ASXL2: variants seen among roughly 807,000 people sequenced by gnomAD.
ASXL2 encodes the protein ASXL transcriptional regulator 2, also known as putative Polycomb group protein ASXL2.
ASXL2 carries 23 observed loss-of-function variants against 122.0 expected under a neutral mutation model. The ratio of observed to expected loss-of-function variants is 0.19; its 90% confidence interval spans 0.14 to 0.27. ASXL2 has a LOEUF of 0.27. ASXL2 is among the 10% of genes least tolerant of loss of function. The pLI, the probability that ASXL2 is intolerant of heterozygous loss-of-function variation, is 1.00. For missense variants in ASXL2, 1,518 were observed against 1,713.8 expected (o/e 0.89, Z 2.02); for synonymous variants, 650 against 637.0 (o/e 1.02, Z -0.31).
chr2:25,808,021 A>T (rs867097020), intron 3 of ASXL2, among the ~76,000 whole-genome samples: 2 of 148,516 alleles, frequency 1.3e-5, no homozygotes, highest in East Asian at 2.2e-4. Context: ...ACACACACAC[A>T]CTCTCCACCC....
intron 3 of ASXL2, among the ~76,000 whole-genome samples, chr2:25,826,109 C>T (rs1387204664): frequency 6.6e-6 from 1 of 152,188 alleles, no homozygotes; most frequent in Non-Finnish European, 1.5e-5. Flanking sequence ...AAGCTAAATA[C>T]TCTTCCTATA....
chr2:25,809,169 T>C (rs763296424), intron 3 of ASXL2, among the ~76,000 whole-genome samples: 30 of 152,100 alleles, frequency 2.0e-4, no homozygotes, highest in Non-Finnish European at 4.0e-4. Flanking sequence ...GGAGGGAGGA[T>C]AGCAATTAAG....
At chr2:25,856,759 A>G in intron 1 of ASXL2, 2 of 1,301,970 alleles carry the variant, frequency 1.5e-6, no homozygotes, top group Middle Eastern at 1.9e-4. Flanking sequence ...AGACAGCTGC[A>G]GACCTTCTTC....
At position 25,811,125 on chromosome 2, in the gene ASXL2, C is replaced by T. The variant is rs948477171; in HGVS notation, c.144-4788G>A. ...AAAATCAGCCATGCATTGTGGCACA[C>T]GCCTGTAGTACCAGCTACTTTGGAG... On this transcript the variant is annotated intron_variant, in intron 3 of 12. Coordinates refer to ENST00000435504, the MANE Select transcript of ASXL2 (RefSeq NM_018263.6). Among the ~76,000 whole-genome samples, 6 of 150,280 alleles carry T rather than the reference C, an allele frequency of 4.0e-5. No homozygotes were observed. In the South Asian group the frequency reaches 8.5e-4, roughly 21 times the overall value.
chr2:25,874,153 G>A (rs1306616194), intron 1 of ASXL2, among the ~76,000 whole-genome samples: 3 of 152,034 alleles, frequency 2.0e-5, no homozygotes, highest in African/African-American at 7.2e-5. Flanking sequence ...AGACCAGCCT[G>A]GGAAACTTGG....
At chr2:25,872,218 C>CA (rs2089966978) in intron 1 of ASXL2, among the ~76,000 whole-genome samples, 1 of 151,988 alleles carries the variant, frequency 6.6e-6, no homozygotes, top group Non-Finnish European at 1.5e-5. Context: ...CCCATCTCTA[C>CA]AAAAAATACA....
At chr2:25,807,986 T>TACACACACACACACACACAC (rs147273836) in intron 3 of ASXL2, among the ~76,000 whole-genome samples, 1,504 of 131,706 alleles carry the variant, frequency 0.011, 16 homozygotes, top group African/African-American at 0.023. Flanking sequence ...AATCAGCTTT[T>TACACACACACACACACACAC]ACACACACAC....
chr2:25,849,677 T>C (rs1234184354), intron 1 of ASXL2, among the ~76,000 whole-genome samples: 1 of 151,074 alleles, frequency 6.6e-6, no homozygotes, highest in Non-Finnish European at 1.5e-5. Context: ...GGTTTTGCCA[T>C]GTTGCCCAGG....
At chr2:25,826,995 A>ATTT (rs34208753) in intron 3 of ASXL2, among the ~76,000 whole-genome samples, 3 of 127,344 alleles carry the variant, frequency 2.4e-5, no homozygotes, top group African/African-American at 5.9e-5. Flanking sequence ...ACAGCTAATA[A>ATTT]TTTTTTTTTT....
At chr2:25,749,283 C>G (rs1048450913) in intron 12 of ASXL2, among the ~76,000 whole-genome samples, 1 of 152,168 alleles carries the variant, frequency 6.6e-6, no homozygotes, top group African/African-American at 2.4e-5. Context: ...CTGCGTGAAC[C>G]CTGGCCCAAA....
At chr2:25,793,691 T>C (rs1394565098) in intron 5 of ASXL2, among the ~76,000 whole-genome samples, 1 of 152,230 alleles carries the variant, frequency 6.6e-6, no homozygotes, top group African/African-American at 2.4e-5. Context: ...GTTATGTTTC[T>C]CTTGAGGGAG....
intron 3 of ASXL2, among the ~76,000 whole-genome samples, chr2:25,811,076 A>G (rs1480675019): frequency 6.7e-6 from 1 of 150,136 alleles, no homozygotes; most frequent in East Asian, 2.0e-4. Context: ...ACACACACAC[A>G]CACACACACA....
intron 9 of ASXL2, among the ~76,000 whole-genome samples, chr2:25,758,712 G>A (rs1433943307): frequency 6.8e-6 from 1 of 146,506 alleles, no homozygotes; most frequent in Non-Finnish European, 1.5e-5. Context: ...AATTTACATT[G>A]GGTTTTAAGT....
chr2:25,755,796 T>G (rs2088119736), intron 10 of ASXL2, among the ~76,000 whole-genome samples: 1 of 152,230 alleles, frequency 6.6e-6, no homozygotes, highest in African/African-American at 2.4e-5. Context: ...CTTGGAAGCT[T>G]TATATCATTA....
intron 9 of ASXL2, among the ~76,000 whole-genome samples, chr2:25,757,999 T>C (rs1032901435): frequency 6.6e-5 from 10 of 152,032 alleles, no homozygotes; most frequent in Admixed American, 3.3e-4. Flanking sequence ...GTCTCCTAAC[T>C]TGTTCTAACC....
Position 25,756,086 on chromosome 2 carries a change from T to C in ASXL2, c.968A>G (p.Asn323Ser), listed in dbSNP as rs2088127854. The change falls in exon 10 of 13, where the codon AAT becomes AGT. Residue 323 changes from asparagine (N) to serine (S), a missense_variant. This residue lies in a region of ASXL2 where 92 missense variants were observed against 156.6 expected (regional missense o/e 0.59). Coordinates refer to ENST00000435504, the MANE Select transcript of ASXL2 (RefSeq NM_018263.6). ...QVGPDGLMKL[N>S]GSALNNEFFT... is the part of the protein sequence containing the mutation. ...GAATTCATTGTTAAGGGCTGAGCCA[T>C]TTAACTTCATTAAACCATCTGGACC... 1 of 1,608,382 alleles carries C rather than the reference T, an allele frequency of 6.2e-7. No homozygotes were observed. Among genetic ancestry groups the C allele is most frequent in the Non-Finnish European group, 8.5e-7 (1 of 1,177,730 alleles).
intron 3 of ASXL2, among the ~76,000 whole-genome samples, chr2:25,811,577 C>G (rs13000546): frequency 0.39 from 59,301 of 151,494 alleles, 13,200 homozygotes; most frequent in Non-Finnish European, 0.51. Flanking sequence ...ATGTAAATTA[C>G]CAATAAAATG....
At position 25,834,343 on chromosome 2, in the gene ASXL2, ACT is replaced by A. The variant is rs550385360; in HGVS notation, c.143+1193_143+1194del. On this transcript the variant is annotated intron_variant, in intron 3 of 12. Coordinates refer to ENST00000435504, the MANE Select transcript of ASXL2 (RefSeq NM_018263.6). Reference sequence around the variant, plus strand: ...ACTCCAGCTTGGGTGACAGAGTGAGACTCTGTCTCCAAAAAAATAAATAAATA... The same window carrying A: ...ACTCCAGCTTGGGTGACAGAGTGAGACTGTCTCCAAAAAAATAAATAAATA... 2.5e-3 allele frequency among the ~76,000 whole-genome samples: 382 copies of A among 152,204 alleles called. 3 individuals are homozygous for A. The highest frequency in any genetic ancestry group is 8.7e-3 in the African/African-American group (363 of 41,546).
Position 25,743,686 on chromosome 2 carries a change from G to A in ASXL2, c.2651C>T (p.Pro884Leu). ...GGTCAATAAAGATGTTAAAGGGGAG[G>A]GAGTTACAGCCACTGGCACACTAGC... ...TDASVPVAVT[P>L]SPLTSLLTTA... is the part of the protein sequence containing the mutation. The change falls in exon 13 of 13, where the codon CCC (proline) becomes CTC (leucine). Residue 884 changes from proline to leucine, a missense_variant. Physicochemically the swap from Pro to Leu is moderately conservative, Grantham distance 98 (BLOSUM62 -3). This residue lies in a region of ASXL2 where 831 missense variants were observed against 833.1 expected (regional missense o/e 1.00). Transcript: ENST00000435504. The A allele has an allele frequency of 6.2e-7, 1 of 1,614,002 alleles. No homozygotes were observed. The highest frequency in any genetic ancestry group is 8.5e-7 in the Non-Finnish European group (1 of 1,179,890).
Sources: gnomAD v4.1 joint callset for allele counts (sites outside exome capture counted in the v4.1 genomes callset) on GRCh38, gnomAD v4.1.1 for gene constraint, gnomAD v4.1.1 regional missense constraint, MANE v1.5 for transcripts, NCBI Gene and HGNC (gene_info 2026-07-23, HGNC 2026-07-21) for gene names.